CEP128: variants seen among roughly 807,000 people sequenced by gnomAD.
CEP128 encodes the protein centrosomal protein 128kDa.
A neutral mutation model predicts 156.7 loss-of-function variants in CEP128; 132 were observed. The observed-to-expected ratio is 0.84, with a 90% CI of 0.73 to 0.97. The LOEUF (loss-of-function observed/expected upper bound fraction) is 0.97. Ranked by LOEUF, CEP128 falls within the 50% of genes least tolerant of loss-of-function variation. The pLI is 0.00. For missense variants in CEP128, 1,252 were observed against 1,281.9 expected (o/e 0.98, Z 0.36); for synonymous variants, 469 against 448.9 (o/e 1.04, Z -0.57).
intron 3 of CEP128, 51 bp from the exon 4 acceptor site, chr14:80,914,459 T>C: frequency 7.3e-7 from 1 of 1,367,660 alleles, no homozygotes. Flanking sequence ...TTTTTTTTCC[T>C]AATCAATCTT....
chr14:80,921,614 G>A (rs780514116), intron 2 of CEP128, among the ~76,000 whole-genome samples: 3 of 152,004 alleles, frequency 2.0e-5, no homozygotes, highest in Non-Finnish European at 2.9e-5. Context: ...AGGGAGTGGG[G>A]AGAAACAGAA....
chr14:80,832,437 T>C (rs1339881935), intron 12 of CEP128, among the ~76,000 whole-genome samples: 1 of 152,104 alleles, frequency 6.6e-6, no homozygotes, highest in African/African-American at 2.4e-5. Flanking sequence ...ACAAATTAAA[T>C]TTATACATCA....
chr14:80,594,411 G>C (rs979641429), intron 19 of CEP128, among the ~76,000 whole-genome samples: 1 of 152,068 alleles, frequency 6.6e-6, no homozygotes, highest in Non-Finnish European at 1.5e-5. Flanking sequence ...CATAGGCATG[G>C]GCAAAGACTT....
chr14:80,953,636 C>G (rs1886518151), intron 2 of CEP128, among the ~76,000 whole-genome samples: 4 of 152,268 alleles, frequency 2.6e-5, no homozygotes, highest in African/African-American at 9.6e-5. Context: ...TGAGATTTAT[C>G]CCTGCAATTC....
chr14:80,794,696 C>T (rs1400735655), intron 13 of CEP128, among the ~76,000 whole-genome samples: 2 of 151,968 alleles, frequency 1.3e-5, no homozygotes, highest in Non-Finnish European at 2.9e-5. Flanking sequence ...ATTAATAGGA[C>T]ATAGTTTTAA....
rs539997733 is a variant in CEP128, at chr14:80,897,191, G to A, written c.573-1401C>T. 5.9e-5 allele frequency among the ~76,000 whole-genome samples: 9 copies of A among 152,248 alleles called. No individual in the cohort carries two copies. In the South Asian group the frequency reaches 1.0e-3, roughly 18 times the overall value. On this transcript the variant is annotated intron_variant, in intron 7 of 24. Coordinates refer to ENST00000555265, the MANE Select transcript of CEP128 (RefSeq NM_152446.5). ...CCTGACACAACACCCATAAATATTA[G>A]AGCCCCTTTCTTGGCTTTTGTGGTT... is the stretch of plus-strand genomic sequence containing the variant.
intron 19 of CEP128, among the ~76,000 whole-genome samples, chr14:80,635,452 G>A (rs1017204127): frequency 6.6e-6 from 1 of 152,172 alleles, no homozygotes; most frequent in Non-Finnish European, 1.5e-5. Flanking sequence ...TCCTTCTAGT[G>A]TCATCCCAGA....
rs1364649360 is a variant in CEP128, at chr14:80,785,000, T to C, written c.2106A>G (p.Ser702=). ...VHQRELKDLT[S]SLQSVKTKHE... is the part of the protein sequence containing the mutation. ...GTTTTGTTTTCACACTCTGCAATGA[T>C]GATGTGAGATCTTTCAGCTCCCTCT... The change falls in exon 15 of 25, where the codon TCA becomes TCG. Residue 702 remains serine (S), a synonymous_variant. Transcript: ENST00000555265. 5.0e-6 allele frequency: 8 copies of C among 1,614,068 alleles called. No homozygotes were observed. The highest frequency in any genetic ancestry group is 1.3e-5 in the African/African-American group (1 of 74,952).
At chr14:80,478,355 T>C (rs774948705) in exon 15 of CEP128, 1 of 152,114 alleles carries the variant, frequency 6.6e-6, no homozygotes, top group African/African-American at 2.4e-5. Context: ...TGTAGTGTGG[T>C]TGACAGCAGC....
At chr14:80,740,494 C>CTAGATAGATAGATGA (rs1898762929) in intron 19 of CEP128, among the ~76,000 whole-genome samples, 1 of 140,802 alleles carries the variant, frequency 7.1e-6, no homozygotes, top group African/African-American at 2.7e-5. Flanking sequence ...ATATTTATAT[C>CTAGATAGATAGATGA]TAGATAGATA....
intron 19 of CEP128, among the ~76,000 whole-genome samples, chr14:80,738,061 C>T (rs1471112076): frequency 1.3e-5 from 2 of 152,150 alleles, no homozygotes; most frequent in East Asian, 1.9e-4. Context: ...CTAAAGGACA[C>T]TTCTATGAAT....
intron 22 of CEP128, among the ~76,000 whole-genome samples, chr14:80,527,429 TAA>T (rs368392939): frequency 2.2e-4 from 28 of 126,128 alleles, no homozygotes; most frequent in Admixed American, 3.3e-4. Flanking sequence ...AGGCTCTGTC[TAA>T]AAAAAAAAAA....
Position 80,895,567 on chromosome 14 carries a change from A to G in CEP128, c.645+151T>C, listed in dbSNP as rs935697299. 8.5e-6 allele frequency: 4 copies of G among 469,804 alleles called. No homozygotes were observed. The Admixed American group carries it at 1.5e-4, about 18-fold the overall frequency. The allele number at this position is 469,804 out of a possible 1,614,324, so 29.1% of individuals were successfully genotyped here. A position where few individuals can be genotyped will look rare whatever the true frequency, so the allele number is the denominator to read the frequency against. ...AAATATAAGTACCCAAAATTCATGA[A>G]CATTTTATAAGAGCTACAAGAACAC... On this transcript the variant is annotated intron_variant, in intron 8 of 24. Coordinates refer to ENST00000555265, the MANE Select transcript of CEP128 (RefSeq NM_152446.5).
At chr14:80,820,787 C>A (rs1885122826) in intron 13 of CEP128, among the ~76,000 whole-genome samples, 1 of 152,180 alleles carries the variant, frequency 6.6e-6, no homozygotes, top group Admixed American at 6.5e-5. Context: ...CCATCACTCA[C>A]AAAAGCAGAA....
chr14:80,487,151 C>A (rs1887184138), downstream of CEP128, among the ~76,000 whole-genome samples: 1 of 151,986 alleles, frequency 6.6e-6, no homozygotes, highest in Non-Finnish European at 1.5e-5. Context: ...CAGAGACACA[C>A]ATAGGCTCAA....
In CEP128 at chr14:80,729,392, A is replaced by ATT. The variant is rs530433333; in HGVS notation, c.2806+13682_2806+13683insAA. Among the ~76,000 whole-genome samples, 90 of 151,938 alleles carry ATT rather than the reference A, an allele frequency of 5.9e-4. No homozygotes were observed. In the East Asian group the frequency reaches 0.017, roughly 29 times the overall value. ...TATTCTATGGTATACATATATATAT[A>ATT]TACCACATTTTCCTTATCCACTCGT... is the stretch of plus-strand genomic sequence containing the variant. On this transcript the variant is annotated intron_variant, in intron 19 of 24. Coordinates refer to ENST00000555265, the MANE Select transcript of CEP128 (RefSeq NM_152446.5).
chr14:80,675,456 T>A (rs1014992427), intron 19 of CEP128, among the ~76,000 whole-genome samples: 1 of 152,100 alleles, frequency 6.6e-6, no homozygotes, highest in Non-Finnish European at 1.5e-5. Context: ...CTTGATGCTA[T>A]AAGATTTAAA....
At chr14:80,508,649 T>C (rs1372790667) in intron 23 of CEP128, among the ~76,000 whole-genome samples, 1 of 152,218 alleles carries the variant, frequency 6.6e-6, no homozygotes, top group African/African-American at 2.4e-5. Context: ...ATTCCTAGAA[T>C]TGAAATTACT....
At chr14:80,833,870 T>A (rs1182391833) in intron 12 of CEP128, among the ~76,000 whole-genome samples, 2 of 152,052 alleles carry the variant, frequency 1.3e-5, no homozygotes, top group Non-Finnish European at 2.9e-5. Flanking sequence ...ACTAATTATA[T>A]GGAGGAGAGA....
Sources: gnomAD v4.1 joint callset for allele counts (sites outside exome capture counted in the v4.1 genomes callset) on GRCh38, gnomAD v4.1.1 for gene constraint, MANE v1.5 for transcripts, NCBI Gene and HGNC (gene_info 2026-07-23, HGNC 2026-07-21) for gene names.